Variants in NOS1AP observed in about 807,000 individuals in gnomAD.
The protein encoded by NOS1AP is carboxyl-terminal PDZ ligand of neuronal nitric oxide synthase protein.
A neutral mutation model predicts 56.2 loss-of-function variants in NOS1AP; 21 were observed. That is an observed-to-expected ratio of 0.37 (90% CI 0.26 to 0.54). The LOEUF is 0.54. Ranked by LOEUF, NOS1AP falls within the 20% of genes least tolerant of loss-of-function variation. The pLI is 0.84. For synonymous variants in NOS1AP, 270 were observed against 274.6 expected (o/e 0.98, Z 0.17); for missense variants, 522 against 657.8 (o/e 0.79, Z 2.26).
At chr1:162,281,465 A>T (rs1201112294) in intron 2 of NOS1AP, among the ~76,000 whole-genome samples, 4 of 152,196 alleles carry the variant, frequency 2.6e-5, no homozygotes, top group African/African-American at 9.7e-5. Flanking sequence ...ATAAATAATC[A>T]ACCAATCAAC....
intron 1 of NOS1AP, among the ~76,000 whole-genome samples, chr1:162,099,836 T>C (rs1484345070): frequency 1.4e-4 from 21 of 151,804 alleles, no homozygotes; most frequent in African/African-American, 5.1e-4. Flanking sequence ...CCTGTGTCCA[T>C]GTGTTCTCAT....
At chr1:162,272,492 C>T (rs1442745989) in intron 2 of NOS1AP, among the ~76,000 whole-genome samples, 1 of 152,162 alleles carries the variant, frequency 6.6e-6, no homozygotes, top group South Asian at 2.1e-4. Context: ...CCCAGAGAGG[C>T]AGCAACACGA....
intron 2 of NOS1AP, among the ~76,000 whole-genome samples, chr1:162,227,222 A>G (rs1652974285): frequency 1.3e-5 from 2 of 152,136 alleles, no homozygotes; most frequent in Admixed American, 6.5e-5. Flanking sequence ...ATCTATTTCT[A>G]TATACAAAAA....
At chr1:162,196,690 A>G (rs1176208108) in intron 2 of NOS1AP, among the ~76,000 whole-genome samples, 56 of 152,212 alleles carry the variant, frequency 3.7e-4, no homozygotes, top group Admixed American at 3.7e-3. Flanking sequence ...GGACTGTGGA[A>G]GGCAGACTAT....
At chr1:162,212,644 G>A (rs770376090) in intron 2 of NOS1AP, among the ~76,000 whole-genome samples, 9 of 152,126 alleles carry the variant, frequency 5.9e-5, no homozygotes, top group Non-Finnish European at 8.8e-5. Context: ...TAAAAGCTTC[G>A]GGATTTTAGT....
intron 2 of NOS1AP, chr1:162,157,308 C>T (rs1024505187): frequency 2.0e-5 from 3 of 152,434 alleles, no homozygotes; most frequent in African/African-American, 7.2e-5. Flanking sequence ...TCTGGCTGTC[C>T]AGTCTCTTGT....
chr1:162,214,756 C>T (rs1234352632), intron 2 of NOS1AP, among the ~76,000 whole-genome samples: 1 of 152,024 alleles, frequency 6.6e-6, no homozygotes, highest in African/African-American at 2.4e-5. Flanking sequence ...ACTATTTGGC[C>T]TAATTTTCGG....
chr1:162,364,041 C>T (rs777865727), intron 8 of NOS1AP: 3 of 985,404 alleles, frequency 3.0e-6, no homozygotes, highest in Non-Finnish European at 3.6e-6. Context: ...AGGGGCACAC[C>T]CTGGGCCAGC....
chr1:162,205,270 C>T (rs1314102823), intron 2 of NOS1AP, among the ~76,000 whole-genome samples: 2 of 152,222 alleles, frequency 1.3e-5, no homozygotes, highest in African/African-American at 4.8e-5. Flanking sequence ...TTTCTTCTCT[C>T]AGGTTCAGGA....
intron 4 of NOS1AP, among the ~76,000 whole-genome samples, chr1:162,329,064 A>T (rs1425160782): frequency 6.6e-6 from 1 of 152,208 alleles, no homozygotes; most frequent in Non-Finnish European, 1.5e-5. Flanking sequence ...TTCCAGCATG[A>T]TGATAAACCC....
chr1:162,137,061 T>C (rs1408002046), intron 1 of NOS1AP, among the ~76,000 whole-genome samples: 2 of 152,168 alleles, frequency 1.3e-5, no homozygotes, highest in East Asian at 3.9e-4. Flanking sequence ...CTCAGTCCTC[T>C]TGGGCCTTGG....
At chr1:162,187,569 A>G (rs1035935949) in intron 2 of NOS1AP, among the ~76,000 whole-genome samples, 15 of 152,220 alleles carry the variant, frequency 9.9e-5, no homozygotes, top group African/African-American at 3.4e-4. Context: ...TGATACTTAC[A>G]TTGTCAAATT....
chr1:162,118,708 G>A (rs1251754707), intron 1 of NOS1AP, among the ~76,000 whole-genome samples: 1 of 152,108 alleles, frequency 6.6e-6, no homozygotes, highest in Non-Finnish European at 1.5e-5. Context: ...TAACCATTAT[G>A]TTTTGAATAT....
In NOS1AP at chr1:162,070,064, TCCCAGGCC is replaced by T; in HGVS notation, c.-111_-104del. The T allele has an allele frequency of 1.2e-6, 1 of 808,600 alleles. No homozygotes were observed. The highest frequency in any genetic ancestry group is 1.6e-5 in the South Asian group (1 of 61,786). The allele number at this position is 808,600 out of a possible 1,614,324, so 50.1% of individuals were successfully genotyped here. The stretch of plus-strand genomic sequence containing the variant: ...GGCCAGGGCTCCCCCTGCCCAGCGC[TCCCAGGCC>T]CCGCCACGCGTCGCCGCGCCCAGCT... On this transcript the variant is annotated 5_prime_UTR_variant, in exon 1 of 10. Transcript: ENST00000361897.
chr1:162,224,007 C>T (rs1384094425), intron 2 of NOS1AP, among the ~76,000 whole-genome samples: 1 of 152,196 alleles, frequency 6.6e-6, no homozygotes, highest in Admixed American at 6.5e-5. Context: ...AGGGCACTCT[C>T]CAGTTCACTT....
chr1:162,365,448 G>T lies in NOS1AP; in HGVS notation c.984G>T (p.Arg328=). 2.4e-5 allele frequency: 39 copies of T among 1,614,050 alleles called. No homozygotes were observed. The highest frequency in any genetic ancestry group is 3.2e-5 in the Non-Finnish European group (38 of 1,180,054). The change falls in exon 9 of 10, where the codon CGG becomes CGT. Residue 328 remains arginine (R), a synonymous_variant. Coordinates refer to ENST00000361897, the MANE Select transcript of NOS1AP (RefSeq NM_014697.3). ...KDQLAAEAAA[R]LEAQARVHQL... ...AGTTGGCTGCTGAGGCTGCGGCGCG[G>T]CTGGAGGCCCAGGCTCGCGTGCATC...
chr1:162,290,925 C>T (rs10800409), intron 3 of NOS1AP, among the ~76,000 whole-genome samples: 25,560 of 151,706 alleles, frequency 0.17, 2,564 homozygotes, highest in East Asian at 0.43. Context: ...TTTTCTAGCT[C>T]GGATACTCTG....
intron 2 of NOS1AP, among the ~76,000 whole-genome samples, chr1:162,202,262 A>G (rs954736147): frequency 1.3e-5 from 2 of 152,190 alleles, no homozygotes; most frequent in Non-Finnish European, 2.9e-5. Flanking sequence ...CTTATTGCAG[A>G]GCATTTGAAG....
At chr1:162,137,118 T>G (rs1649037253) in intron 1 of NOS1AP, among the ~76,000 whole-genome samples, 1 of 152,218 alleles carries the variant, frequency 6.6e-6, no homozygotes. Context: ...CTTCGTTTGC[T>G]TCTTTGACTT....
Sources: allele counts gnomAD v4.1 joint callset (sites outside exome capture counted in the v4.1 genomes callset), GRCh38; gene constraint gnomAD v4.1.1; transcripts MANE v1.5; gene names NCBI Gene and HGNC (gene_info 2026-07-23, HGNC 2026-07-21).